BCL2L13: variants seen among roughly 807,000 people sequenced by gnomAD.
BCL2L13 encodes the protein BCL2 like 13, also known as bcl-2-like protein 13.
BCL2L13 carries 13 observed loss-of-function variants against 25.8 expected under a neutral mutation model. The observed-to-expected ratio is 0.50, with a 90% CI of 0.33 to 0.80. The LOEUF (loss-of-function observed/expected upper bound fraction) is 0.80, where lower values mean the gene tolerates loss of function less well. Among genes scored for constraint, BCL2L13 ranks in the 30% least tolerant of loss-of-function variants. The pLI is 0.02. For missense variants in BCL2L13, 504 were observed against 574.9 expected (o/e 0.88, Z 1.26); for synonymous variants, 244 against 230.3 (o/e 1.06, Z -0.54).
At chr22:17,697,434 G>A (rs1002040841) in intron 5 of BCL2L13, among the ~76,000 whole-genome samples, 9 of 151,904 alleles carry the variant, frequency 5.9e-5, no homozygotes, top group African/African-American at 1.4e-4. Flanking sequence ...GTGAAACTCC[G>A]TCTCAAAAAA....
At position 17,727,333 on chromosome 22, in the gene BCL2L13, GA is replaced by G. The variant is rs746369849; in HGVS notation, c.1258del (p.Ser420AlafsTer30). 6.2e-7 allele frequency: 1 copy of G among 1,614,150 alleles called. No individual in the cohort carries two copies. The highest frequency in any genetic ancestry group is 1.3e-5 in the African/African-American group (1 of 74,952). ...SEKEINAREE[S>X]LVEELSPASE... ...AGAAGGAGATAAACGCAAGGGAAGA[GA>G]GCCTTGTGGAAGAGCTGTCCCCTGC... On this transcript the variant is annotated frameshift_variant, in exon 7 of 7. Transcript: ENST00000317582. LOFTEE classifies it low-confidence loss of function (END_TRUNC).
Position 17,638,797 on chromosome 22 carries a change from T to C in BCL2L13, c.-140T>C. 6 of 1,231,674 alleles carry C rather than the reference T, an allele frequency of 4.9e-6. No individual in the cohort carries two copies. The highest frequency in any genetic ancestry group is 6.1e-6 in the Non-Finnish European group (6 of 988,078). 76.3% of individuals were successfully genotyped at this position (1,231,674 alleles called of 1,614,324 possible). A position where few individuals can be genotyped will look rare whatever the true frequency, so the allele number is the denominator to read the frequency against. ...GGCGGCGGTAGATTAGGGCCGCGGG[T>C]CGGAGCACTCACCGCCGCTGGGGGA... is the stretch of plus-strand genomic sequence containing the variant. On this transcript the variant is annotated 5_prime_UTR_variant, in exon 1 of 7. Coordinates refer to ENST00000317582, the MANE Select transcript of BCL2L13 (RefSeq NM_015367.4).
chr22:17,637,459 T>C (rs2058131200), upstream of BCL2L13, among the ~76,000 whole-genome samples: 1 of 151,424 alleles, frequency 6.6e-6, no homozygotes, highest in Non-Finnish European at 1.5e-5. Flanking sequence ...ACTGCAACCT[T>C]TGCCTCCCAG....
intron 4 of BCL2L13, chr22:17,692,287 T>C (rs1002460252): frequency 1.3e-5 from 2 of 152,238 alleles, no homozygotes; most frequent in Non-Finnish European, 2.9e-5. Context: ...CCTTTGAATG[T>C]TTTAATCTGC....
intron 6 of BCL2L13, among the ~76,000 whole-genome samples, chr22:17,714,268 G>A (rs1002743372): frequency 5.3e-5 from 8 of 151,862 alleles, no homozygotes; most frequent in Non-Finnish European, 8.8e-5. Context: ...ACTCCAGCCT[G>A]GGCAACAGAG....
intron 6 of BCL2L13, among the ~76,000 whole-genome samples, chr22:17,720,352 A>T (rs920130566): frequency 6.6e-6 from 1 of 151,354 alleles, no homozygotes; most frequent in African/African-American, 2.4e-5. Flanking sequence ...AATTTTTTAA[A>T]TTTTTTAATT....
intron 3 of BCL2L13, among the ~76,000 whole-genome samples, chr22:17,684,140 A>G (rs979028279): frequency 6.6e-6 from 1 of 151,994 alleles, no homozygotes; most frequent in Non-Finnish European, 1.5e-5. Flanking sequence ...ATTGAGATAT[A>G]TTTTACATAC....
chr22:17,646,888 T>TTG lies in BCL2L13; in HGVS notation c.-51+8036_-51+8037dup, dbSNP rs71201853. ...GTGCCTGCCACCACGCCCAGCTAAT[T>TTG]TGTGTGTGTGTGTGTGTGTGTGTGT... On this transcript the variant is annotated intron_variant, in intron 1 of 6. Transcript: ENST00000317582. Among the ~76,000 whole-genome samples, 619 of 89,932 alleles carry TTG rather than the reference T, an allele frequency of 6.9e-3. 5 individuals are homozygous for TTG. Among genetic ancestry groups the TTG allele is most frequent in the South Asian group, 0.011 (22 of 1,996 alleles). The allele number at this position is 89,932 out of a possible 152,430, so 59.0% of individuals were successfully genotyped here. A position where few individuals can be genotyped will look rare whatever the true frequency, so the allele number is the denominator to read the frequency against.
At chr22:17,634,411 T>G (rs2058073816), upstream of BCL2L13, among the ~76,000 whole-genome samples, 1 of 152,188 alleles carries the variant, frequency 6.6e-6, no homozygotes, top group Non-Finnish European at 1.5e-5. Context: ...GGTCTGGAAC[T>G]TCTGACCTTA....
At chr22:17,721,925 G>A (rs986381999) in intron 6 of BCL2L13, among the ~76,000 whole-genome samples, 28 of 152,286 alleles carry the variant, frequency 1.8e-4, no homozygotes, top group Non-Finnish European at 3.2e-4. Flanking sequence ...CTCCCAAAGT[G>A]CTGGGATTAC....
chr22:17,691,907 T>C (rs939004376), intron 4 of BCL2L13, among the ~76,000 whole-genome samples: 9 of 152,204 alleles, frequency 5.9e-5, no homozygotes, highest in Non-Finnish European at 1.3e-4. Context: ...TTTATTTTTT[T>C]CCCAAATCTT....
Position 17,645,811 on chromosome 22 carries a change from C to T in BCL2L13, c.-51+6925C>T, listed in dbSNP as rs570841647. Among the ~76,000 whole-genome samples the T allele has an allele frequency of 1.1e-4, 17 of 151,574 alleles. No individual in the cohort carries two copies. In the South Asian group the frequency reaches 3.3e-3, roughly 30 times the overall value. ...AGGTTTCCTTAGGCTGTTTGGCTAG[C>T]AACCACAGTTGGCCCTCTTTATCCA... On this transcript the variant is annotated intron_variant, in intron 1 of 6. Coordinates refer to ENST00000317582, the MANE Select transcript of BCL2L13 (RefSeq NM_015367.4).
At chr22:17,716,600 G>A (rs1041774822) in intron 6 of BCL2L13, among the ~76,000 whole-genome samples, 1 of 152,134 alleles carries the variant, frequency 6.6e-6, no homozygotes, top group African/African-American at 2.4e-5. Context: ...CTGTGCTGTA[G>A]CCTTTCAAAA....
At chr22:17,694,018 A>G (rs951019138) in intron 4 of BCL2L13, among the ~76,000 whole-genome samples, 2 of 152,060 alleles carry the variant, frequency 1.3e-5, no homozygotes, top group African/African-American at 4.8e-5. Context: ...TTGGCCTCCC[A>G]AAGTGTTGGG....
At position 17,655,786 on chromosome 22, in the gene BCL2L13, C is replaced by T; in HGVS notation, c.75C>T (p.Leu25=). ...TKYVVLSYLG[L]LSQEKLQEQH... ...ATGTTGTTCTCAGCTACTTGGGACT[C>T]CTCTCTCAAGAGAAGCTGCAAGAGC... Residue 25 remains leucine (L), a synonymous_variant, in exon 2 of 7, where the codon CTC becomes CTT. Coordinates refer to ENST00000317582, the MANE Select transcript of BCL2L13 (RefSeq NM_015367.4). 6.2e-7 allele frequency: 1 copy of T among 1,613,654 alleles called. No individual in the cohort carries two copies. The highest frequency in any genetic ancestry group is 8.5e-7 in the Non-Finnish European group (1 of 1,179,806).
At chr22:17,698,004 T>C (rs1391118871) in intron 5 of BCL2L13, among the ~76,000 whole-genome samples, 1 of 151,710 alleles carries the variant, frequency 6.6e-6, no homozygotes, top group African/African-American at 2.4e-5. Context: ...TTAGTAGAGA[T>C]GGGGTTTCAC....
At chr22:17,666,230 G>T (rs896399027) in intron 2 of BCL2L13, among the ~76,000 whole-genome samples, 1 of 139,368 alleles carries the variant, frequency 7.2e-6, no homozygotes, top group Non-Finnish European at 1.6e-5. Flanking sequence ...TAAATTTTTT[G>T]AGTACATAGT....
intron 6 of BCL2L13, among the ~76,000 whole-genome samples, chr22:17,713,876 C>T (rs2060833711): frequency 1.3e-5 from 2 of 152,108 alleles, no homozygotes; most frequent in South Asian, 2.1e-4. Flanking sequence ...CACAGTGGCT[C>T]ATGCTTGTAA....
chr22:17,702,075 C>T (rs16981023), intron 5 of BCL2L13, among the ~76,000 whole-genome samples, 168 bp from the exon 6 acceptor site: 18 of 152,040 alleles, frequency 1.2e-4, no homozygotes, highest in African/African-American at 4.1e-4. Flanking sequence ...AACCTACATG[C>T]AGTATTCAGA....
Sources: gnomAD v4.1 joint callset for allele counts (sites outside exome capture counted in the v4.1 genomes callset) on GRCh38, gnomAD v4.1.1 for gene constraint, MANE v1.5 for transcripts, NCBI Gene and HGNC (gene_info 2026-07-23, HGNC 2026-07-21) for gene names.